The following UNC79 variants were observed in gnomAD, a reference collection of about 807,000 sequenced individuals.
The protein encoded by UNC79 is unc-79 subunit of NALCN channel complex, also known as protein unc-79 homolog.
A neutral mutation model predicts 283.1 loss-of-function variants in UNC79; 37 were observed. That is an observed-to-expected ratio of 0.13 (90% CI 0.10 to 0.17). The LOEUF (loss-of-function observed/expected upper bound fraction) is 0.17. Ranked by LOEUF, UNC79 falls within the 10% of genes least tolerant of loss-of-function variation. The pLI, the probability that UNC79 is intolerant of heterozygous loss-of-function variation, is 1.00. For synonymous variants in UNC79, 1,107 were observed against 1,200.2 expected (o/e 0.92, Z 1.61); for missense variants, 2,272 against 3,211.1 (o/e 0.71, Z 7.07).
In UNC79 at chr14:93,688,468, T is replaced by C. The variant is rs2074422372; in HGVS notation, c.6910-197T>C. 6.6e-6 allele frequency among the ~76,000 whole-genome samples: 1 copy of C among 152,112 alleles called. No individual in the cohort carries two copies. Among genetic ancestry groups the C allele is most frequent in the Non-Finnish European group, 1.5e-5 (1 of 68,028 alleles). On this transcript the variant is annotated intron_variant, in intron 43 of 48. Coordinates refer to ENST00000555664, the Ensembl canonical transcript of UNC79. The surrounding 1 kb of genome is among the most constrained non-coding windows in gnomAD (Gnocchi z 4.0). ...GGGGTAAGTTCTCAGTGGCTGGATC[T>C]TTCTGGCTTTGTAGGCTAGGGAACT...
intron 1 of UNC79, among the ~76,000 whole-genome samples, chr14:93,439,077 AT>A (rs2056199039): frequency 6.6e-6 from 1 of 151,972 alleles, no homozygotes; most frequent in African/African-American, 2.4e-5. Context: ...TTACTAAATT[AT>A]TTTCTTTTTG....
chr14:93,505,529 A>G (rs111674018), intron 7 of UNC79, among the ~76,000 whole-genome samples: 1 of 151,940 alleles, frequency 6.6e-6, no homozygotes, highest in Non-Finnish European at 1.5e-5. Flanking sequence ...TTTAATTTTC[A>G]ATTTTTTTGT....
Position 93,474,453 on chromosome 14 carries a change from C to T in UNC79, c.448+60C>T, listed in dbSNP as rs1448010803. The stretch of plus-strand genomic sequence containing the variant: ...TGGATGCTTATGAATGTATATGATG[C>T]TGAGCAAGGGGCTTGGAGATGGTCA... On this transcript the variant is annotated intron_variant, in intron 3 of 48. Transcript: ENST00000555664. The surrounding 1 kb of genome is among the most constrained non-coding windows in gnomAD (Gnocchi z 4.1). 1.5e-5 allele frequency: 23 copies of T among 1,488,414 alleles called. No homozygotes were observed. The highest frequency in any genetic ancestry group is 1.9e-5 in the Non-Finnish European group (21 of 1,118,062). The allele number at this position is 1,488,414 out of a possible 1,614,324, so 92.2% of individuals were successfully genotyped here. A position where few individuals can be genotyped will look rare whatever the true frequency, so the allele number is the denominator to read the frequency against.
At chr14:93,347,904 A>C in intron 1 of UNC79, 3 of 586,578 alleles carry the variant, frequency 5.1e-6, no homozygotes, top group East Asian at 2.8e-5. Context: ...AGATTTCACT[A>C]GGCGCCTGTT....
At chr14:93,458,189 G>C (rs941559145) in intron 1 of UNC79, among the ~76,000 whole-genome samples, 110 of 152,280 alleles carry the variant, frequency 7.2e-4, no homozygotes, top group African/African-American at 2.6e-3. Context: ...TTTATGTCGT[G>C]CAAGAAGAAA....
chr14:93,689,821 G>A, intron 44 of UNC79: 1 of 324,200 alleles, frequency 3.1e-6, no homozygotes, highest in Middle Eastern at 8.8e-4. Flanking sequence ...GGCAGGAGTG[G>A]AAAGGGTTTA....
intron 7 of UNC79, among the ~76,000 whole-genome samples, chr14:93,507,974 C>T (rs1567023005): frequency 1.3e-5 from 2 of 151,844 alleles, no homozygotes; most frequent in Non-Finnish European, 2.9e-5. Flanking sequence ...TTATATTGGC[C>T]CCTTGGTCAT....
At chr14:93,644,538 A>G (rs1017905324) in intron 34 of UNC79, among the ~76,000 whole-genome samples, 12 of 152,158 alleles carry the variant, frequency 7.9e-5, no homozygotes, top group South Asian at 2.1e-4. Context: ...TGACTAGCCA[A>G]ATAAGATAGG....
intron 2 of UNC79, among the ~76,000 whole-genome samples, chr14:93,470,375 T>C (rs2057440273): frequency 6.6e-6 from 1 of 152,160 alleles, no homozygotes; most frequent in African/African-American, 2.4e-5. Context: ...AGGGGAGAGA[T>C]TGTATGTTAC....
chr14:93,345,705 C>T (rs921622509), intron 1 of UNC79, among the ~76,000 whole-genome samples: 7 of 151,794 alleles, frequency 4.6e-5, no homozygotes, highest in African/African-American at 1.5e-4. Flanking sequence ...GGCCAGTGTC[C>T]GTCAATAAGA....
chr14:93,427,737 G>A (rs1346646202), upstream of UNC79, among the ~76,000 whole-genome samples: 1 of 151,718 alleles, frequency 6.6e-6, no homozygotes, highest in African/African-American at 2.4e-5. Context: ...CACTCAATAA[G>A]TAGTTGCTGA....
At chr14:93,699,621 T>C (rs1298700883) in intron 47 of UNC79, among the ~76,000 whole-genome samples, 1 of 152,208 alleles carries the variant, frequency 6.6e-6, no homozygotes, top group African/African-American at 2.4e-5. Flanking sequence ...TATATATTTT[T>C]AATCACAGTC....
intron 19 of UNC79, 110 bp downstream of exon 19, chr14:93,580,486 T>A: frequency 9.2e-7 from 1 of 1,083,834 alleles, no homozygotes; most frequent in Middle Eastern, 2.8e-4. Context: ...TGCTGGGTTA[T>A]ACGTGAGACT....
intron 7 of UNC79, among the ~76,000 whole-genome samples, chr14:93,520,193 G>GT (rs925956295): frequency 4.6e-5 from 7 of 151,934 alleles, no homozygotes; most frequent in Non-Finnish European, 8.9e-5. Flanking sequence ...TAGGTTGACA[G>GT]TTTTTTTCTT....
At chr14:93,353,294 C>G (rs1265153710) in intron 1 of UNC79, among the ~76,000 whole-genome samples, 3 of 152,164 alleles carry the variant, frequency 2.0e-5, no homozygotes, top group Non-Finnish European at 2.9e-5. Flanking sequence ...GCCTTGAATT[C>G]CTGGGCTCAA....
intron 24 of UNC79, among the ~76,000 whole-genome samples, 188 bp from the exon 25 acceptor site, chr14:93,600,381 C>T (rs1039428042): frequency 2.6e-5 from 4 of 152,296 alleles, no homozygotes; most frequent in Admixed American, 2.6e-4. Flanking sequence ...AATTCCTCTT[C>T]TACATTTTTC....
intron 4 of UNC79, among the ~76,000 whole-genome samples, chr14:93,481,016 G>T (rs2058104648): frequency 6.6e-6 from 1 of 152,084 alleles, no homozygotes; most frequent in Admixed American, 6.6e-5. Context: ...TCTTTGAAGT[G>T]GACCTAATGA....
At chr14:93,686,649 G>A in exon 43 of UNC79, 1 of 1,614,104 alleles carries the variant, frequency 6.2e-7, no homozygotes, top group Non-Finnish European at 8.5e-7. Flanking sequence ...TGCACACGCT[G>A]ACCAAACTGA....
intron 1 of UNC79, among the ~76,000 whole-genome samples, chr14:93,410,533 A>G (rs1206576144): frequency 6.6e-6 from 1 of 152,164 alleles, no homozygotes; most frequent in Non-Finnish European, 1.5e-5. Flanking sequence ...TGCACAGCTC[A>G]TGGCTTCAAA....
Sources: gnomAD v4.1 joint callset for allele counts (sites outside exome capture counted in the v4.1 genomes callset) on GRCh38, gnomAD v4.1.1 for gene constraint, Gnocchi (gnomAD v3.1) non-coding constraint, MANE v1.5 for transcripts, NCBI Gene and HGNC (gene_info 2026-07-23, HGNC 2026-07-21) for gene names.